CLIP1: variants seen among roughly 807,000 people sequenced by gnomAD.
The protein encoded by CLIP1 is CAP-Gly domain containing linker protein 1.
A neutral mutation model predicts 161.6 loss-of-function variants in CLIP1; 66 were observed. That is an observed-to-expected ratio of 0.41 (90% confidence interval 0.33 to 0.50). The LOEUF is 0.50. Among genes scored for constraint, CLIP1 ranks in the 20% least tolerant of loss-of-function variants. CLIP1 has a pLI of 0.27. For missense variants in CLIP1, 1,376 were observed against 1,702.0 expected (o/e 0.81, Z 3.37); for synonymous variants, 598 against 626.2 (o/e 0.96, Z 0.67).
chr12:122,303,550 C>A (rs1950764667), intron 20 of CLIP1, among the ~76,000 whole-genome samples: 1 of 152,166 alleles, frequency 6.6e-6, no homozygotes, highest in Admixed American at 6.5e-5. Context: ...CACATAGACT[C>A]CGTTGGTGAT....
In CLIP1 at chr12:122,272,124, G is replaced by A. The variant is rs1268024021; in HGVS notation, c.*751C>T. The A allele has an allele frequency of 6.6e-6, 1 of 152,400 alleles. No individual in the cohort carries two copies. Among genetic ancestry groups the A allele is most frequent in the East Asian group, 1.9e-4 (1 of 5,184 alleles). 9.4% of individuals were successfully genotyped at this position (152,400 alleles called of 1,614,324 possible). ...ATGTCCAAAAAGAAAGACACATTGTGTATGTTTTTTTCCCAAAATATAGAT... is the reference window on the plus strand; with the variant it reads ...ATGTCCAAAAAGAAAGACACATTGTATATGTTTTTTTCCCAAAATATAGAT... On this transcript the variant is annotated 3_prime_UTR_variant, in exon 26 of 26. Coordinates refer to ENST00000620786, the MANE Select transcript of CLIP1 (RefSeq NM_001247997.2).
chr12:122,333,644 G>A (rs1329448954), intron 14 of CLIP1, among the ~76,000 whole-genome samples: 1 of 152,178 alleles, frequency 6.6e-6, no homozygotes, highest in Non-Finnish European at 1.5e-5. Context: ...TTGAGGAGAG[G>A]AGCGACATGA....
At chr12:122,390,368 G>A (rs747806591) in intron 1 of CLIP1, among the ~76,000 whole-genome samples, 6 of 147,556 alleles carry the variant, frequency 4.1e-5, no homozygotes, top group Non-Finnish European at 8.9e-5. Flanking sequence ...CTGAAGTGCA[G>A]TGGCACAATC....
At chr12:122,347,164 A>G (rs754400812) in intron 10 of CLIP1, among the ~76,000 whole-genome samples, 3 of 152,220 alleles carry the variant, frequency 2.0e-5, no homozygotes, top group Non-Finnish European at 2.9e-5. Context: ...TTGGGTTACC[A>G]AAGGAATGAG....
At chr12:122,291,250 C>G (rs1048699966) in intron 20 of CLIP1, among the ~76,000 whole-genome samples, 1 of 151,722 alleles carries the variant, frequency 6.6e-6, no homozygotes, top group African/African-American at 2.4e-5. Context: ...AGTGCAGTGG[C>G]GCGATCTTGG....
chr12:122,333,385 T>C (rs775058127), intron 14 of CLIP1, among the ~76,000 whole-genome samples: 1 of 152,072 alleles, frequency 6.6e-6, no homozygotes. Flanking sequence ...GGTTAGAATC[T>C]CAGATGGGGC....
At chr12:122,412,066 T>C (rs1044991341) in intron 1 of CLIP1, among the ~76,000 whole-genome samples, 61 of 144,612 alleles carry the variant, frequency 4.2e-4, no homozygotes, top group Admixed American at 3.6e-3. Flanking sequence ...TTTTCTTTTT[T>C]TTTTTTTTTT....
chr12:122,319,809 G>T (rs1951416045), intron 17 of CLIP1, among the ~76,000 whole-genome samples: 1 of 152,096 alleles, frequency 6.6e-6, no homozygotes, highest in Non-Finnish European at 1.5e-5. Flanking sequence ...TTTAGGCTGA[G>T]AATTTTTCAA....
chr12:122,326,481 A>T (rs1472858159), intron 17 of CLIP1, among the ~76,000 whole-genome samples: 1 of 152,226 alleles, frequency 6.6e-6, no homozygotes, highest in Non-Finnish European at 1.5e-5. Flanking sequence ...GGGGTTCGAG[A>T]CCAGCCTGAG....
At chr12:122,273,399 G>C (rs999684640) in intron 25 of CLIP1, among the ~76,000 whole-genome samples, 17 of 151,042 alleles carry the variant, frequency 1.1e-4, no homozygotes, top group Non-Finnish European at 2.2e-4. Context: ...ACAGGTGCGT[G>C]CCACCCCACA....
chr12:122,354,400 CA>C (rs897984467), intron 7 of CLIP1, 52 bp downstream of exon 7: 402 of 1,411,934 alleles, frequency 2.8e-4, no homozygotes, highest in Middle Eastern at 4.1e-4. Flanking sequence ...GTCTCAAAAA[CA>C]AAAAAAAAGG....
chr12:122,357,174 G>C (rs61954415), intron 5 of CLIP1, among the ~76,000 whole-genome samples: 8 of 149,056 alleles, frequency 5.4e-5, no homozygotes, highest in Non-Finnish European at 1.0e-4. Context: ...CCCGGCCGCC[G>C]TCCCATCTAG....
At chr12:122,315,354 T>C (rs1445642606) in intron 19 of CLIP1, among the ~76,000 whole-genome samples, 2 of 152,184 alleles carry the variant, frequency 1.3e-5, no homozygotes, top group African/African-American at 4.8e-5. Context: ...GTTCACCAGG[T>C]GAATTAGCTT....
chr12:122,412,755 T>A (rs1956589847), intron 1 of CLIP1, among the ~76,000 whole-genome samples: 1 of 152,194 alleles, frequency 6.6e-6, no homozygotes, highest in Non-Finnish European at 1.5e-5. Flanking sequence ...TGTTTTTGTA[T>A]CTATGCAAAT....
chr12:122,344,614 G>A (rs2136375857), intron 10 of CLIP1, among the ~76,000 whole-genome samples: 1 of 152,242 alleles, frequency 6.6e-6, no homozygotes, highest in East Asian at 1.9e-4. Flanking sequence ...ACTTTCCGTG[G>A]CATTTCCCTA....
intron 5 of CLIP1, among the ~76,000 whole-genome samples, chr12:122,359,805 G>A (rs1245236232): frequency 1.3e-5 from 2 of 152,094 alleles, no homozygotes; most frequent in Non-Finnish European, 2.9e-5. Context: ...CCTCCTCCCC[G>A]CAGCACAACG....
At chr12:122,324,765 C>T (rs913806940) in intron 17 of CLIP1, among the ~76,000 whole-genome samples, 4 of 151,816 alleles carry the variant, frequency 2.6e-5, no homozygotes, top group Admixed American at 1.3e-4. Context: ...TTTAAAAATA[C>T]AATTAAAAGA....
At position 122,360,959 on chromosome 12, in the gene CLIP1, T is replaced by C; in HGVS notation, c.1005A>G (p.Leu335=). The C allele has an allele frequency of 6.2e-7, 1 of 1,610,744 alleles. No individual in the cohort carries two copies. Among genetic ancestry groups the C allele is most frequent in the Non-Finnish European group, 8.5e-7 (1 of 1,179,282 alleles). ...GCAGGTAGTGAGAAAGGGGCCTTAC[T>C]AGTCCTGTCCGACTGGGCCTGCTGC... is the stretch of plus-strand genomic sequence containing the variant. ...SVSSRPSRTG[L]LTETSSRYAR... The change falls in exon 5 of 26, where the codon CTA becomes CTG. Residue 335 remains leucine (L), a splice_region_variant and synonymous_variant. Transcript: ENST00000620786.
intron 23 of CLIP1, 47 bp from the exon 24 acceptor site, chr12:122,278,250 A>C: frequency 6.8e-7 from 1 of 1,478,628 alleles, no homozygotes; most frequent in African/African-American, 1.4e-5. Context: ...GGGAGAATAT[A>C]TGTATATTTT....
Sources: allele counts gnomAD v4.1 joint callset (sites outside exome capture counted in the v4.1 genomes callset), GRCh38; gene constraint gnomAD v4.1.1; transcripts MANE v1.5; gene names NCBI Gene and HGNC (gene_info 2026-07-23, HGNC 2026-07-21).